DIPK1A: variants seen among roughly 807,000 people sequenced by gnomAD.
DIPK1A encodes the protein family with sequence similarity 69 member A.
In DIPK1A, 27 loss-of-function variants were observed where a neutral mutation model predicts 40.8. That is an observed-to-expected ratio of 0.66 (90% CI 0.49 to 0.91). The LOEUF (loss-of-function observed/expected upper bound fraction) is 0.91. DIPK1A is among the 40% of genes least tolerant of loss of function. The pLI, the probability that DIPK1A is intolerant of heterozygous loss-of-function variation, is 0.00. For synonymous variants in DIPK1A, 166 were observed against 171.3 expected, an observed-to-expected ratio of 0.97 and a Z score of 0.24; for missense variants, 412 against 505.7, an observed-to-expected ratio of 0.81 and a Z score of 1.78.
In DIPK1A at chr1:92,850,859, G is replaced by C. The variant is rs760203263; in HGVS notation, c.286C>G (p.Pro96Ala). ...CATAATGGCCATACCTGATTGTTGG[G>C]CTTGGTGGATAAACATTTTCCAAAG... ...LYFGKCLSTK[P>A]NNQMYLGIWD... The change falls in exon 3 of 5, where the codon CCC becomes GCC. Residue 96 changes from proline (P) to alanine (A), a missense_variant. Pro to Ala is a conservative substitution (Grantham distance 27, BLOSUM62 -1). Transcript: ENST00000370310. 6.4e-7 allele frequency: 1 copy of C among 1,558,786 alleles called. No homozygotes were observed. Among genetic ancestry groups the C allele is most frequent in the East Asian group, 2.3e-5 (1 of 42,692 alleles).
chr1:92,903,485 T>C (rs1649497016), intron 1 of DIPK1A, among the ~76,000 whole-genome samples: 1 of 152,228 alleles, frequency 6.6e-6, no homozygotes, highest in Non-Finnish European at 1.5e-5. Flanking sequence ...GAAAATATGC[T>C]CTCTTAATAT....
chr1:92,880,257 A>G lies in DIPK1A; in HGVS notation c.55-3827T>C, dbSNP rs557754011. ...GTTGAAAGAGCTAAATTTGTATGAC[A>G]TTAGCATTTTATCTTATATTAGCCT... On this transcript the variant is annotated intron_variant, in intron 1 of 4. Transcript: ENST00000370310. Among the ~76,000 whole-genome samples, 5 of 152,364 alleles carry G rather than the reference A, an allele frequency of 3.3e-5. No individual in the cohort carries two copies. In the South Asian group the frequency reaches 1.0e-3, roughly 32 times the overall value.
Position 92,842,786 on chromosome 1 carries a change from T to A in DIPK1A, c.*597A>T. ...ATTGGTGTACTGTCAAGTATAAGAT[T>A]TCTTGAAGTAAGCCACTTGAACCAT... On this transcript the variant is annotated 3_prime_UTR_variant, in exon 5 of 5. Coordinates refer to ENST00000370310, the MANE Select transcript of DIPK1A (RefSeq NM_001006605.5). The A allele has an allele frequency of 1.0e-6, 1 of 985,458 alleles. No homozygotes were observed. Among genetic ancestry groups the A allele is most frequent in the Non-Finnish European group, 1.2e-6 (1 of 829,944 alleles). 61.0% of individuals were successfully genotyped at this position (985,458 alleles called of 1,614,324 possible). A position where few individuals can be genotyped will look rare whatever the true frequency, so the allele number is the denominator to read the frequency against.
chr1:92,861,542 G>T (rs1647273193), intron 2 of DIPK1A, among the ~76,000 whole-genome samples: 1 of 151,880 alleles, frequency 6.6e-6, no homozygotes, highest in East Asian at 1.9e-4. Flanking sequence ...GCCCAGGCTG[G>T]TCTCTAACTC....
intron 2 of DIPK1A, among the ~76,000 whole-genome samples, chr1:92,854,475 C>T (rs879920751): frequency 6.6e-6 from 1 of 152,188 alleles, no homozygotes; most frequent in African/African-American, 2.4e-5. Context: ...CCTCCTGTAC[C>T]CTCCTACCAA....
intron 1 of DIPK1A, among the ~76,000 whole-genome samples, chr1:92,893,566 C>A (rs916679009): frequency 6.6e-6 from 1 of 151,978 alleles, no homozygotes; most frequent in Non-Finnish European, 1.5e-5. Flanking sequence ...CTGTAAAGAC[C>A]ATCGAGGCTA....
At chr1:92,839,360 AAAAAC>A (rs1334678885), downstream of DIPK1A, among the ~76,000 whole-genome samples, 1 of 152,200 alleles carries the variant, frequency 6.6e-6, no homozygotes, top group Non-Finnish European at 1.5e-5. Context: ...CTTCATGTCA[AAAAAC>A]AAAAAATTGC....
chr1:92,951,575 G>A (rs1429637704), intron 1 of DIPK1A, among the ~76,000 whole-genome samples: 3 of 152,158 alleles, frequency 2.0e-5, no homozygotes, highest in African/African-American at 7.2e-5. Context: ...ACAAATGGGC[G>A]TTGTTTTAAG....
At chr1:92,884,621 C>G (rs1415712959) in intron 1 of DIPK1A, among the ~76,000 whole-genome samples, 2 of 152,072 alleles carry the variant, frequency 1.3e-5, no homozygotes, top group Non-Finnish European at 2.9e-5. Flanking sequence ...GCCTAACATG[C>G]CACATTGGAT....
intron 1 of DIPK1A, among the ~76,000 whole-genome samples, chr1:92,886,479 C>A (rs540990720): frequency 6.6e-6 from 1 of 152,150 alleles, no homozygotes; most frequent in African/African-American, 2.4e-5. Context: ...AGCCACTGTA[C>A]CCATACTGTA....
intron 2 of DIPK1A, among the ~76,000 whole-genome samples, chr1:92,855,968 T>C (rs989235613): frequency 6.6e-6 from 1 of 151,894 alleles, no homozygotes; most frequent in African/African-American, 2.4e-5. Context: ...TCCTAGCTAC[T>C]CGGAAGGCTG....
At chr1:92,845,590 G>C (rs889733715) in intron 4 of DIPK1A, 1 of 286,202 alleles carries the variant, frequency 3.5e-6, no homozygotes, top group Non-Finnish European at 6.8e-6. Context: ...TGTAATCCCA[G>C]CGCTTTGGGA....
chr1:92,914,074 C>T (rs1000158050), intron 1 of DIPK1A, among the ~76,000 whole-genome samples: 1 of 151,714 alleles, frequency 6.6e-6, no homozygotes, highest in Non-Finnish European at 1.5e-5. Context: ...TCTCAGTTGT[C>T]TCTCTCTCTG....
downstream of DIPK1A, chr1:92,837,597 C>G (rs749988750): frequency 6.2e-7 from 1 of 1,611,956 alleles, no homozygotes; most frequent in Non-Finnish European, 8.5e-7. Context: ...AGAAACAGTT[C>G]TCTCAATACA....
Position 92,833,545 on chromosome 1 carries a change from A to G in DIPK1A, c.475-511T>C. 1.1e-5 allele frequency: 17 copies of G among 1,613,582 alleles called. No homozygotes were observed. Among genetic ancestry groups the G allele is most frequent in the Non-Finnish European group, 1.4e-5 (16 of 1,179,668 alleles). Reference sequence around the variant, plus strand: ...TTCTACAATTATTTTTTTCTTTCAGAGGGTAAAACTGATTATTATGCTCGG... The same window carrying G: ...TTCTACAATTATTTTTTTCTTTCAGGGGGTAAAACTGATTATTATGCTCGG... On this transcript the variant is annotated intron_variant, in intron 4 of 4. Transcript: ENST00000615519.
At chr1:92,838,124 A>G (rs1687198443), downstream of DIPK1A, among the ~76,000 whole-genome samples, 1 of 152,202 alleles carries the variant, frequency 6.6e-6, no homozygotes, top group African/African-American at 2.4e-5. Flanking sequence ...TTCCTGACCC[A>G]GGTTCTTTTT....
At chr1:92,872,993 T>G (rs1227055913) in intron 2 of DIPK1A, among the ~76,000 whole-genome samples, 1 of 152,230 alleles carries the variant, frequency 6.6e-6, no homozygotes, top group Non-Finnish European at 1.5e-5. Context: ...AAGCCTCTGC[T>G]GATTTCTTGT....
Position 92,882,077 on chromosome 1 carries a change from AC to A in DIPK1A, c.55-5648del, listed in dbSNP as rs1648402190. Among the ~76,000 whole-genome samples, 6 of 152,306 alleles carry A rather than the reference AC, an allele frequency of 3.9e-5. No homozygotes were observed. In the South Asian group the frequency reaches 1.2e-3, roughly 32 times the overall value. On this transcript the variant is annotated intron_variant, in intron 1 of 4. Transcript: ENST00000370310. ...TTATAAAGCAAATATCTAAATAACT[AC>A]CACTTGGGTAAAAATACAGAATTTT...
chr1:92,845,508 GAAAAAA>G (rs552078855), intron 4 of DIPK1A: 28 of 199,904 alleles, frequency 1.4e-4, no homozygotes, highest in African/African-American at 1.6e-4. Flanking sequence ...GTCTATGCTA[GAAAAAA>G]AAAAAAAAAA....
Sources: allele counts gnomAD v4.1 joint callset (sites outside exome capture counted in the v4.1 genomes callset), GRCh38; gene constraint gnomAD v4.1.1; transcripts MANE v1.5; gene names NCBI Gene and HGNC (gene_info 2026-07-23, HGNC 2026-07-21).